NOX3: variants seen among roughly 807,000 people sequenced by gnomAD.
The protein encoded by NOX3 is NADPH oxidase 3, also known as NADPH oxidase catalytic subunit-like 3.
In NOX3, 74 loss-of-function variants were observed where a neutral mutation model predicts 76.7. That is an observed-to-expected ratio of 0.96 (90% confidence interval 0.80 to 1.17). NOX3 has a LOEUF of 1.17. Among genes scored for constraint, NOX3 ranks in the 50% most tolerant of loss-of-function variants. NOX3 has a pLI of 0.00. For synonymous variants in NOX3, 263 were observed against 261.1 expected (o/e 1.01, Z -0.07); for missense variants, 695 against 703.3 (o/e 0.99, Z 0.13).
rs539378002 is a variant in NOX3 at position 155,400,593 on chromosome 6, A to G, written c.1581-3631T>C. 2.0e-5 allele frequency among the ~76,000 whole-genome samples: 3 copies of G among 151,768 alleles called. No homozygotes were observed. In the South Asian group the frequency reaches 6.2e-4, roughly 32 times the overall value. ...GATTCATCACATAATTATATTTTGT[A>G]CAACACCTTCTTTTTTCAGAACCGC... On this transcript the variant is annotated intron_variant, in intron 12 of 13. Transcript: ENST00000159060.
intron 11 of NOX3, among the ~76,000 whole-genome samples, chr6:155,408,291 C>A (rs115920948): frequency 6.6e-6 from 1 of 152,266 alleles, no homozygotes; most frequent in South Asian, 2.1e-4. Flanking sequence ...TGGCCATGAT[C>A]ATGTTTTAAG....
intron 9 of NOX3, among the ~76,000 whole-genome samples, chr6:155,425,343 G>A (rs1400083381): frequency 1.3e-5 from 2 of 151,986 alleles, no homozygotes; most frequent in African/African-American, 2.4e-5. Context: ...TGTTTATCAC[G>A]TTTATGCAGC....
At chr6:155,443,469 C>T (rs371360463) in intron 4 of NOX3, 51 bp from the exon 5 acceptor site, 1 of 1,581,314 alleles carries the variant, frequency 6.3e-7, no homozygotes, top group African/African-American at 1.4e-5. Context: ...TGCTTTCTCC[C>T]TAGTTACTAA....
intron 12 of NOX3, among the ~76,000 whole-genome samples, chr6:155,398,786 C>T (rs192555049): frequency 6.6e-6 from 1 of 152,276 alleles, no homozygotes; most frequent in African/African-American, 2.4e-5. Context: ...TGTCAATTAC[C>T]TTCACAAAGC....
At chr6:155,419,071 C>A (rs900084348) in intron 10 of NOX3, among the ~76,000 whole-genome samples, 1 of 152,210 alleles carries the variant, frequency 6.6e-6, no homozygotes, top group African/African-American at 2.4e-5. Flanking sequence ...CTGCTTTGCT[C>A]TGTGGCACTT....
chr6:155,429,990 C>G (rs541870230), intron 8 of NOX3, among the ~76,000 whole-genome samples: 3 of 152,268 alleles, frequency 2.0e-5, no homozygotes, highest in Admixed American at 2.0e-4. Flanking sequence ...TCCTTTGGTG[C>G]TTAACTTAAA....
chr6:155,435,754 A>G (rs1776895872), intron 7 of NOX3, among the ~76,000 whole-genome samples: 1 of 152,206 alleles, frequency 6.6e-6, no homozygotes, highest in South Asian at 2.1e-4. Context: ...AGAAGAGGCC[A>G]GATAGGAATA....
At chr6:155,406,200 G>C (rs1776454666) in intron 12 of NOX3, among the ~76,000 whole-genome samples, 1 of 152,136 alleles carries the variant, frequency 6.6e-6, no homozygotes, top group Non-Finnish European at 1.5e-5. Flanking sequence ...GACTGACTTA[G>C]GAGACATCAT....
intron 4 of NOX3, 39 bp downstream of exon 4, chr6:155,453,365 G>T: frequency 7.0e-7 from 1 of 1,422,002 alleles, no homozygotes; most frequent in Non-Finnish European, 1.0e-6. Flanking sequence ...TTAGGCATCA[G>T]ATATTGTAAA....
intron 4 of NOX3, among the ~76,000 whole-genome samples, chr6:155,445,897 A>ATTTATATATATGCTATAGATG (rs1441398929): frequency 3.9e-5 from 5 of 129,220 alleles, no homozygotes; most frequent in South Asian, 5.3e-4. Context: ...CTATATATAT[A>ATTTATATATATGCTATAGATG]TATTATATAT....
At chr6:155,426,808 GTTC>G (rs1167808275) in intron 9 of NOX3, among the ~76,000 whole-genome samples, 2 of 152,168 alleles carry the variant, frequency 1.3e-5, no homozygotes, top group African/African-American at 4.8e-5. Flanking sequence ...CCAGTACTGA[GTTC>G]TTCTTGGGGG....
chr6:155,429,193 T>A (rs192554402), intron 8 of NOX3, 146 bp from the exon 9 acceptor site: 3 of 727,506 alleles, frequency 4.1e-6, no homozygotes, highest in African/African-American at 3.6e-5. Context: ...CCCAAAGATA[T>A]GTGCCATCGC....
chr6:155,425,259 T>G (rs1208745134), intron 9 of NOX3, among the ~76,000 whole-genome samples: 1 of 152,208 alleles, frequency 6.6e-6, no homozygotes, highest in Non-Finnish European at 1.5e-5. Flanking sequence ...TCCCAGTTGT[T>G]CTTTTTTGGG....
intron 9 of NOX3, among the ~76,000 whole-genome samples, chr6:155,428,080 TA>T (rs1776780569): frequency 4.8e-5 from 2 of 41,944 alleles, no homozygotes; most frequent in South Asian, 7.0e-4. Context: ...TTTGTATTTT[TA>T]GTAGAGATGG....
chr6:155,455,678 C>T lies in NOX3; in HGVS notation c.48+75G>A, dbSNP rs138452437. On this transcript the variant is annotated intron_variant, in intron 1 of 13. Coordinates refer to ENST00000159060, the MANE Select transcript of NOX3 (RefSeq NM_015718.3). ...TAATACTTCAAGCTATTTAGCGTTC[C>T]TATACAAGTTTTCCTAAAAATCAAA... 345 of 1,175,498 alleles carry T rather than the reference C, an allele frequency of 2.9e-4. 4 individuals are homozygous for T. In the African/African-American group the frequency reaches 3.9e-3, roughly 13 times the overall value. The allele number at this position is 1,175,498 out of a possible 1,614,324, so 72.8% of individuals were successfully genotyped here.
intron 12 of NOX3, among the ~76,000 whole-genome samples, chr6:155,398,235 C>A (rs80020654): frequency 0.019 from 2,833 of 152,146 alleles, 58 homozygotes; most frequent in African/African-American, 0.043. Flanking sequence ...GGCTCGAATC[C>A]AAGGAATGCA....
At chr6:155,448,352 C>G (rs1472221878) in intron 4 of NOX3, among the ~76,000 whole-genome samples, 1 of 152,168 alleles carries the variant, frequency 6.6e-6, no homozygotes, top group Admixed American at 6.5e-5. Flanking sequence ...GCTCTTCAGT[C>G]TTGCAGTAAA....
intron 3 of NOX3, among the ~76,000 whole-genome samples, chr6:155,454,148 G>A (rs938141402): frequency 6.6e-6 from 1 of 152,112 alleles, no homozygotes; most frequent in Admixed American, 6.5e-5. Flanking sequence ...GGAAAAAATG[G>A]CGCTAGTATA....
chr6:155,434,508 C>T (rs777447060), intron 7 of NOX3, among the ~76,000 whole-genome samples: 4 of 152,078 alleles, frequency 2.6e-5, no homozygotes, highest in Non-Finnish European at 2.9e-5. Context: ...GGGGTTGGAC[C>T]GAGCAAAGGA....
Sources: gnomAD v4.1 joint callset for allele counts (sites outside exome capture counted in the v4.1 genomes callset) on GRCh38, gnomAD v4.1.1 for gene constraint, MANE v1.5 for transcripts, NCBI Gene and HGNC (gene_info 2026-07-23, HGNC 2026-07-21) for gene names.